Variants in LIPI observed in about 807,000 individuals in gnomAD.
LIPI encodes lipase member I.
In LIPI, 59 loss-of-function variants were observed where a neutral mutation model predicts 50.6. That is an observed-to-expected ratio of 1.16 (90% CI 0.94 to 1.45). The LOEUF is 1.45. Ranked by LOEUF, LIPI falls within the 40% of genes most tolerant of loss-of-function variation. LIPI has a pLI of 0.00. For missense variants in LIPI, 586 were observed against 536.3 expected (o/e 1.09, Z -0.92); for synonymous variants, 203 against 178.2 (o/e 1.14, Z -1.11).
At chr21:14,176,594 G>A (rs2019104727) in intron 4 of LIPI, among the ~76,000 whole-genome samples, 1 of 150,532 alleles carries the variant, frequency 6.6e-6, no homozygotes, top group South Asian at 2.1e-4. Context: ...ATGGATTTTA[G>A]TTATATTTTT....
rs139434555 is a variant in LIPI at position 14,141,597 on chromosome 21, C to T, written c.1295+3026G>A. ...AATCTTGATTGTTATACCTTTTCTT[C>T]TTGCATTGCTATGCTGCATTAGGCC... is the stretch of plus-strand genomic sequence containing the variant. On this transcript the variant is annotated intron_variant, in intron 9 of 9. Coordinates refer to ENST00000681601, the MANE Select transcript of LIPI (RefSeq NM_001302998.2). 2.3e-3 allele frequency among the ~76,000 whole-genome samples: 355 copies of T among 151,186 alleles called. 1 individual carries two copies. The highest frequency in any genetic ancestry group is 0.014 in the Middle Eastern group (4 of 292).
intron 2 of LIPI, among the ~76,000 whole-genome samples, chr21:14,188,058 C>T (rs1011596991): frequency 1.3e-5 from 2 of 152,142 alleles, no homozygotes; most frequent in African/African-American, 4.8e-5. Flanking sequence ...AAATTTCAAG[C>T]TCAATAATGC....
intron 9 of LIPI, among the ~76,000 whole-genome samples, chr21:14,131,889 T>C (rs1568839995): frequency 6.6e-6 from 1 of 152,100 alleles, no homozygotes; most frequent in Non-Finnish European, 1.5e-5. Flanking sequence ...ATTCTAGAAG[T>C]AAAAATTTCA....
chr21:14,167,049 C>T (rs2018713297), intron 4 of LIPI, among the ~76,000 whole-genome samples: 1 of 152,236 alleles, frequency 6.6e-6, no homozygotes, highest in South Asian at 2.1e-4. Context: ...AACGGCCCAC[C>T]AGGAGATTAT....
intron 1 of LIPI, among the ~76,000 whole-genome samples, chr21:14,198,656 C>A (rs1409046376): frequency 6.6e-6 from 1 of 151,940 alleles, no homozygotes; most frequent in Non-Finnish European, 1.5e-5. Flanking sequence ...ACTCAGAATC[C>A]CACACAATAA....
At chr21:14,147,185 G>C (rs1236833926) in intron 8 of LIPI, among the ~76,000 whole-genome samples, 1 of 152,108 alleles carries the variant, frequency 6.6e-6, no homozygotes, top group African/African-American at 2.4e-5. Context: ...CTAGAATGCA[G>C]TAGGGCAATG....
At chr21:14,137,471 A>G (rs960241250) in intron 9 of LIPI, among the ~76,000 whole-genome samples, 1 of 152,214 alleles carries the variant, frequency 6.6e-6, no homozygotes, top group African/African-American at 2.4e-5. Flanking sequence ...ACAGTCCTTT[A>G]AAAGCAGAAT....
In LIPI at chr21:14,163,444, A is replaced by G. The variant is rs1318195322; in HGVS notation, c.981T>C (p.Asp327=). The change falls in exon 7 of 10, where the codon GAT becomes GAC. Residue 327 remains aspartate, a synonymous_variant. Coordinates refer to ENST00000681601, the MANE Select transcript of LIPI (RefSeq NM_001302998.2). ...GRPLRTTVFL[D]TSGTYPFCTY... ...TACAGAATGGATATGTACCACTTGT[A>G]TCCAAAAACACAGTGGTCCTAAGAG... The G allele has an allele frequency of 2.0e-6, 3 of 1,537,060 alleles. No homozygotes were observed. The East Asian group carries it at 6.8e-5, about 35-fold the overall frequency.
intron 7 of LIPI, 52 bp downstream of exon 7, chr21:14,163,367 G>T: frequency 2.4e-6 from 2 of 847,486 alleles, no homozygotes; most frequent in Non-Finnish European, 2.1e-6. Context: ...ATGTAGATTA[G>T]TGCAAAAAAA....
At chr21:14,114,927 T>A (rs2016565052) in intron 9 of LIPI, among the ~76,000 whole-genome samples, 1 of 152,140 alleles carries the variant, frequency 6.6e-6, no homozygotes, top group Non-Finnish European at 1.5e-5. Context: ...AGCAACATAT[T>A]TCTCTTTAGG....
chr21:14,203,028 T>C (rs935463691), intron 1 of LIPI, among the ~76,000 whole-genome samples: 1 of 152,100 alleles, frequency 6.6e-6, no homozygotes, highest in Non-Finnish European at 1.5e-5. Flanking sequence ...GCGAAGGATA[T>C]GAACAGACAC....
chr21:14,161,426 TATA>T (rs1267105642), intron 7 of LIPI, among the ~76,000 whole-genome samples: 13 of 140,868 alleles, frequency 9.2e-5, no homozygotes, highest in East Asian at 6.2e-4. Context: ...TATACATGAG[TATA>T]ATATCAATAT....
intron 9 of LIPI, among the ~76,000 whole-genome samples, chr21:14,139,352 A>G (rs929503974): frequency 1.3e-5 from 2 of 152,174 alleles, no homozygotes; most frequent in African/African-American, 4.8e-5. Flanking sequence ...CAGTTTGGGA[A>G]GAGATATATT....
intron 7 of LIPI, among the ~76,000 whole-genome samples, chr21:14,157,092 G>T (rs146920176): frequency 6.6e-6 from 1 of 151,986 alleles, no homozygotes; most frequent in African/African-American, 2.4e-5. Context: ...GGATTTATAA[G>T]ACAGGGGTTG....
chr21:14,158,760 A>G (rs1194625834), intron 7 of LIPI, among the ~76,000 whole-genome samples: 3 of 151,012 alleles, frequency 2.0e-5, no homozygotes, highest in Non-Finnish European at 4.4e-5. Context: ...CTAGCAAGAC[A>G]GACAAAATAA....
At chr21:14,124,798 T>C (rs988795193) in intron 9 of LIPI, among the ~76,000 whole-genome samples, 3 of 152,148 alleles carry the variant, frequency 2.0e-5, no homozygotes, top group Admixed American at 6.5e-5. Context: ...TATCTCTGAT[T>C]GTCCTGCAAC....
intron 2 of LIPI, among the ~76,000 whole-genome samples, chr21:14,187,772 T>C (rs2019506214): frequency 6.6e-6 from 1 of 152,194 alleles, no homozygotes; most frequent in Non-Finnish European, 1.5e-5. Flanking sequence ...TAATGATTAC[T>C]AAATGTCACC....
chr21:14,137,639 G>A (rs943499208), intron 9 of LIPI, among the ~76,000 whole-genome samples: 1 of 152,144 alleles, frequency 6.6e-6, no homozygotes, highest in Non-Finnish European at 1.5e-5. Context: ...GAAAAAGGAG[G>A]TAGAGAAAGA....
chr21:14,189,080 G>T lies in LIPI; in HGVS notation c.386C>A (p.Thr129Asn). Residue 129 changes from threonine to asparagine, a missense_variant, in exon 2 of 10, where the codon ACC becomes AAC. Transcript: ENST00000681601. ...ACTCAAACTCACAGCAACTTTTCTGGTGTTTTTAACTGCTCTATTATAAAT... is the reference window on the plus strand; with the variant it reads ...ACTCAAACTCACAGCAACTTTTCTGTTGTTTTTAACTGCTCTATTATAAAT... The part of the protein sequence containing the change: ...TFIYNRAVKN[T>N]RKVAVSLSVH... 6.2e-7 allele frequency: 1 copy of T among 1,610,364 alleles called. No homozygotes were observed.
Sources: allele counts gnomAD v4.1 joint callset (sites outside exome capture counted in the v4.1 genomes callset), GRCh38; gene constraint gnomAD v4.1.1; transcripts MANE v1.5; gene names NCBI Gene and HGNC (gene_info 2026-07-23, HGNC 2026-07-21).